SLC14A2: variants seen among roughly 807,000 people sequenced by gnomAD.
SLC14A2 encodes solute carrier family 14 member 2.
In SLC14A2, 91 loss-of-function variants were observed where a neutral mutation model predicts 104.6. The observed-to-expected ratio is 0.87, with a 90% CI of 0.73 to 1.04. The LOEUF (loss-of-function observed/expected upper bound fraction) is 1.04, where lower values mean the gene tolerates loss of function less well. Among genes scored for constraint, SLC14A2 ranks in the 50% least tolerant of loss-of-function variants. The pLI, the probability that SLC14A2 is intolerant of heterozygous loss-of-function variation, is 0.00. For synonymous variants in SLC14A2, 476 were observed against 466.4 expected, an observed-to-expected ratio of 1.02 and a Z score of -0.27; for missense variants, 1,189 against 1,156.0, an observed-to-expected ratio of 1.03 and a Z score of -0.41.
At chr18:45,445,175 A>G (rs1030518301) in intron 1 of SLC14A2, among the ~76,000 whole-genome samples, 1 of 148,140 alleles carries the variant, frequency 6.8e-6, no homozygotes, top group African/African-American at 2.5e-5. Flanking sequence ...GCAGTGGCAC[A>G]ACGTTGGCTC....
rs1443763822 is a variant in SLC14A2 at position 45,429,515 on chromosome 18, CT to C, written c.-124-53717del. Among the ~76,000 whole-genome samples the C allele has an allele frequency of 2.0e-5, 3 of 152,320 alleles. No homozygotes were observed. The East Asian group carries it at 5.8e-4, about 29-fold the overall frequency. On this transcript the variant is annotated intron_variant, in intron 1 of 20. Transcript: ENST00000586448. ...ACAGGGAAAGCCTTGAGGAAGAAAT[CT>C]AGCCCATCACTTGATTCCCTGTTGT...
At chr18:45,636,252 C>A (rs2045414444) in intron 5 of SLC14A2, among the ~76,000 whole-genome samples, 1 of 152,194 alleles carries the variant, frequency 6.6e-6, no homozygotes, top group African/African-American at 2.4e-5. Flanking sequence ...CCCAGCAGGT[C>A]ACTGAGTGTG....
At chr18:45,643,111 G>A in intron 8 of SLC14A2, 21 bp from the exon 9 acceptor site, 1 of 1,613,826 alleles carries the variant, frequency 6.2e-7, no homozygotes, top group Non-Finnish European at 8.5e-7. Flanking sequence ...GCTCACTCTG[G>A]TGATCCTTGT....
intron 2 of SLC14A2, among the ~76,000 whole-genome samples, chr18:45,522,862 G>A (rs1444003425): frequency 6.6e-6 from 1 of 152,116 alleles, no homozygotes; most frequent in African/African-American, 2.4e-5. Flanking sequence ...TGTTGCCTTG[G>A]GCAATAGAAG....
chr18:45,497,960 C>G (rs1339461154), intron 2 of SLC14A2, among the ~76,000 whole-genome samples: 1 of 152,128 alleles, frequency 6.6e-6, no homozygotes, highest in Non-Finnish European at 1.5e-5. Flanking sequence ...AAGGGGAAAG[C>G]CTTTAGACAA....
intron 1 of SLC14A2, among the ~76,000 whole-genome samples, chr18:45,472,108 A>G (rs1055064460): frequency 6.6e-6 from 1 of 151,982 alleles, no homozygotes; most frequent in Non-Finnish European, 1.5e-5. Context: ...ACTCCCCCTT[A>G]TGAGTGAGAA....
intron 2 of SLC14A2, among the ~76,000 whole-genome samples, chr18:45,531,103 T>C (rs2043678313): frequency 6.6e-6 from 1 of 152,226 alleles, no homozygotes; most frequent in African/African-American, 2.4e-5. Flanking sequence ...CTATCATTGT[T>C]GGACATTTGG....
intron 2 of SLC14A2, among the ~76,000 whole-genome samples, chr18:45,570,741 G>C (rs766253785): frequency 2.4e-4 from 36 of 152,210 alleles, no homozygotes; most frequent in Non-Finnish European, 4.3e-4. Context: ...TTGGTACCAA[G>C]ATTGTGAAAT....
chr18:45,516,196 T>C (rs2043438338), intron 2 of SLC14A2, among the ~76,000 whole-genome samples: 1 of 152,204 alleles, frequency 6.6e-6, no homozygotes. Flanking sequence ...TTCCTTTATT[T>C]CCTTTCTCTC....
the SLC14A2 span, among the ~76,000 whole-genome samples, chr18:45,201,205 T>C: frequency 6.6e-6 from 1 of 152,120 alleles, no homozygotes; most frequent in Non-Finnish European, 1.5e-5. Flanking sequence ...TCATTTGTGA[T>C]GTCTGAGGTA....
the SLC14A2 span, among the ~76,000 whole-genome samples, chr18:45,173,202 G>C: frequency 1.3e-5 from 2 of 152,142 alleles, no homozygotes; most frequent in Admixed American, 6.6e-5. Context: ...GGGAGATGGA[G>C]CTGGAAGATA....
intron 1 of SLC14A2, among the ~76,000 whole-genome samples, chr18:45,306,770 CA>C (rs2085025925): frequency 6.6e-6 from 1 of 152,130 alleles, no homozygotes; most frequent in Admixed American, 6.5e-5. Flanking sequence ...CCCGCTTCTT[CA>C]ATTGTAAGAT....
chr18:45,304,902 A>C (rs1192018121), intron 1 of SLC14A2, among the ~76,000 whole-genome samples: 1 of 152,256 alleles, frequency 6.6e-6, no homozygotes, highest in African/African-American at 2.4e-5. Context: ...CTTCTTTGGC[A>C]CATGAATCAT....
intron 1 of SLC14A2, among the ~76,000 whole-genome samples, chr18:45,251,044 C>G (rs2084418013): frequency 6.6e-6 from 1 of 152,066 alleles, no homozygotes; most frequent in South Asian, 2.1e-4. Context: ...TTTTTTATTT[C>G]CATAGGTTTT....
intron 1 of SLC14A2, among the ~76,000 whole-genome samples, chr18:45,344,951 C>T (rs1048693046): frequency 5.3e-5 from 8 of 152,150 alleles, no homozygotes; most frequent in African/African-American, 1.4e-4. Flanking sequence ...GAGACTGAAC[C>T]GTGGCCTCTT....
intron 1 of SLC14A2, among the ~76,000 whole-genome samples, chr18:45,274,723 T>C (rs1349651702): frequency 6.6e-6 from 1 of 152,266 alleles, no homozygotes; most frequent in Admixed American, 6.5e-5. Context: ...TCTGTGGTAG[T>C]AGTTTGGGCC....
intron 18 of SLC14A2, among the ~76,000 whole-genome samples, chr18:45,675,709 A>ATTTTTTTT (rs71177687): frequency 3.8e-5 from 3 of 78,394 alleles, no homozygotes; most frequent in African/African-American, 9.8e-5. Flanking sequence ...ATATATATAT[A>ATTTTTTTT]TTTTTTTTTT....
chr18:45,593,650 C>T (rs2044683657), intron 2 of SLC14A2, among the ~76,000 whole-genome samples: 1 of 151,586 alleles, frequency 6.6e-6, no homozygotes, highest in Non-Finnish European at 1.5e-5. Flanking sequence ...CCACCACGCC[C>T]AGCTAATTTT....
At chr18:45,300,196 C>T (rs1215097979) in intron 1 of SLC14A2, among the ~76,000 whole-genome samples, 1 of 152,136 alleles carries the variant, frequency 6.6e-6, no homozygotes, top group Non-Finnish European at 1.5e-5. Context: ...TCCTTCTGGT[C>T]AGTGTTGAGC....
Sources: allele counts gnomAD v4.1 joint callset (sites outside exome capture counted in the v4.1 genomes callset), GRCh38; gene constraint gnomAD v4.1.1; transcripts MANE v1.5; gene names NCBI Gene and HGNC (gene_info 2026-07-23, HGNC 2026-07-21).